ONECUT3: variants seen among roughly 807,000 people sequenced by gnomAD.
ONECUT3 encodes one cut domain family member 3.
ONECUT3 carries 11 observed loss-of-function variants against 16.8 expected under a neutral mutation model. That is an observed-to-expected ratio of 0.66 (90% CI 0.41 to 1.09). The LOEUF (loss-of-function observed/expected upper bound fraction) is 1.09. Among genes scored for constraint, ONECUT3 ranks in the 50% least tolerant of loss-of-function variants. The pLI, the probability that ONECUT3 is intolerant of heterozygous loss-of-function variation, is 0.00. For synonymous variants in ONECUT3, 344 were observed against 310.7 expected (o/e 1.11, Z -1.13); for missense variants, 637 against 629.9 (o/e 1.01, Z -0.12).
intron 1 of ONECUT3, among the ~76,000 whole-genome samples, chr19:1,773,926 C>T (rs2068080449): frequency 6.6e-6 from 1 of 152,196 alleles, no homozygotes; most frequent in African/African-American, 2.4e-5. Flanking sequence ...GCCCCATCAC[C>T]CCGAGCCTTT....
At position 1,754,587 on chromosome 19, in the gene ONECUT3, G is replaced by A; in HGVS notation, c.925G>A (p.Gly309Ser). 6.3e-6 allele frequency: 8 copies of A among 1,269,294 alleles called. No individual in the cohort carries two copies. Among genetic ancestry groups the A allele is most frequent in the African/African-American group, 1.6e-5 (1 of 64,344 alleles). 78.6% of individuals were successfully genotyped at this position (1,269,294 alleles called of 1,614,324 possible). Reference protein sequence around the residue: ...HGGGGGPGGSGGGPSAGAAAE... With the variant: ...HGGGGGPGGSSGGPSAGAAAE... The stretch of plus-strand genomic sequence containing the variant: ...GGGAGGCGGCGGCCCCGGCGGGAGC[G>A]GCGGCGGCCCCAGCGCGGGCGCAGC... Residue 309 changes from glycine (G) to serine (S), a missense_variant, in exon 1 of 2, where the codon GGC (glycine) becomes AGC (serine). This residue lies in a region of ONECUT3 where 419 missense variants were observed against 377.9 expected (regional missense o/e 1.11). Coordinates refer to ENST00000382349, the MANE Select transcript of ONECUT3 (RefSeq NM_001080488.2). This position sits in a 1 kb window ranked among gnomAD's most constrained non-coding sequence, Gnocchi z 7.4.
In ONECUT3 at chr19:1,755,690, T is replaced by C. The variant is rs2067913040; in HGVS notation, c.1192+836T>C. 6.6e-6 allele frequency among the ~76,000 whole-genome samples: 1 copy of C among 152,220 alleles called. No individual in the cohort carries two copies. The highest frequency in any genetic ancestry group is 1.5e-5 in the Non-Finnish European group (1 of 68,036). On this transcript the variant is annotated intron_variant, in intron 1 of 1. Transcript: ENST00000382349. The surrounding 1 kb of genome is among the most constrained non-coding windows in gnomAD (Gnocchi z 7.5). ...ACACTGGTATCTCTATGTTTTTCTCTTGCTCTCCGTTTTGCTCTTGTTCCT... is the reference window on the plus strand; with the variant it reads ...ACACTGGTATCTCTATGTTTTTCTCCTGCTCTCCGTTTTGCTCTTGTTCCT...
rs3051476 is a variant in ONECUT3 at position 1,780,973 on chromosome 19, T to TAAAAAAAAAAAA, written c.*5532_*5543dup. The TAAAAAAAAAAAA allele has an allele frequency of 1.4e-5, 2 of 138,734 alleles. No homozygotes were observed. Among genetic ancestry groups the TAAAAAAAAAAAA allele is most frequent in the Non-Finnish European group, 1.5e-5 (1 of 65,528 alleles). The allele number at this position is 138,734 out of a possible 1,614,324, so 8.6% of individuals were successfully genotyped here. ...ACCCTTGGGCGACAGGCTTAAAAGC[T>TAAAAAAAAAAAA]AAAAAAAAAAAAAAATCTCGTCATT... is the stretch of plus-strand genomic sequence containing the variant. On this transcript the variant is annotated 3_prime_UTR_variant, in exon 2 of 2. Coordinates refer to ENST00000382349, the MANE Select transcript of ONECUT3 (RefSeq NM_001080488.2).
chr19:1,758,801 G>A lies in ONECUT3; in HGVS notation c.1192+3947G>A, dbSNP rs2067931533. On this transcript the variant is annotated intron_variant, in intron 1 of 1. Coordinates refer to ENST00000382349, the MANE Select transcript of ONECUT3 (RefSeq NM_001080488.2). The surrounding 1 kb of genome is among the most constrained non-coding windows in gnomAD (Gnocchi z 5.9). Reference sequence around the variant, plus strand: ...GGGCGGGCTCCTCGGCGGGGGTGGGGGCGGTCGATGAATTCGAATTACCGT... The same window carrying A: ...GGGCGGGCTCCTCGGCGGGGGTGGGAGCGGTCGATGAATTCGAATTACCGT... Among the ~76,000 whole-genome samples, 1 of 152,176 alleles carries A rather than the reference G, an allele frequency of 6.6e-6. No individual in the cohort carries two copies. The highest frequency in any genetic ancestry group is 1.5e-5 in the Non-Finnish European group (1 of 68,024).
chr19:1,759,671 G>A lies in ONECUT3; in HGVS notation c.1192+4817G>A, dbSNP rs904286486. On this transcript the variant is annotated intron_variant, in intron 1 of 1. Transcript: ENST00000382349. This position sits in a 1 kb window ranked among gnomAD's most constrained non-coding sequence, Gnocchi z 4.1. ...ACCAAGGTTGGGGGCTTGGAGACCC[G>A]GGCCTTCCCTGGGCTCTGTCCCTGG... Among the ~76,000 whole-genome samples, 6 of 152,180 alleles carry A rather than the reference G, an allele frequency of 3.9e-5. No individual in the cohort carries two copies. Among genetic ancestry groups the A allele is most frequent in the African/African-American group, 1.2e-4 (5 of 41,440 alleles).
rs1173514924 is a variant in ONECUT3 at position 1,754,195 on chromosome 19, T to A, written c.533T>A (p.Leu178His). 46 of 1,127,482 alleles carry A rather than the reference T, an allele frequency of 4.1e-5. No homozygotes were observed. The highest frequency in any genetic ancestry group is 4.9e-5 in the Non-Finnish European group (45 of 911,658). 69.8% of individuals were successfully genotyped at this position (1,127,482 alleles called of 1,614,324 possible). A position where few individuals can be genotyped will look rare whatever the true frequency, so the allele number is the denominator to read the frequency against. ...CTCATGCGCGACGAGCGGGCGGCGC[T>A]CGCCTCCGTGGGCCACCTCTACGGA... is the stretch of plus-strand genomic sequence containing the variant. ...FTLMRDERAA[L>H]ASVGHLYGPY... Residue 178 changes from leucine to histidine, a missense_variant, in exon 1 of 2, where the codon CTC becomes CAC. Around this residue, in one of 3 missense-constraint regions of ONECUT3, gnomAD observed 419 missense variants for 377.9 expected, o/e 1.11. Coordinates refer to ENST00000382349, the MANE Select transcript of ONECUT3 (RefSeq NM_001080488.2). The surrounding 1 kb of genome is among the most constrained non-coding windows in gnomAD (Gnocchi z 7.4).
chr19:1,764,596 G>A lies in ONECUT3; in HGVS notation c.1192+9742G>A, dbSNP rs554450782. On this transcript the variant is annotated intron_variant, in intron 1 of 1. Coordinates refer to ENST00000382349, the MANE Select transcript of ONECUT3 (RefSeq NM_001080488.2). The surrounding 1 kb of genome is among the most constrained non-coding windows in gnomAD (Gnocchi z 5.0). ...CAGATGAGGGGCTGGGGAGGCCTCT[G>A]GGGGTCCACGCCTGGGGCATGACTC... Among the ~76,000 whole-genome samples the A allele has an allele frequency of 4.1e-4, 63 of 152,178 alleles. No homozygotes were observed. The South Asian group carries it at 9.7e-3, about 24-fold the overall frequency.
In ONECUT3 at chr19:1,754,955, C is replaced by G. The variant is rs2067908877; in HGVS notation, c.1192+101C>G. 4 of 1,264,856 alleles carry G rather than the reference C, an allele frequency of 3.2e-6. No homozygotes were observed. In the South Asian group the frequency reaches 1.0e-4, roughly 33 times the overall value. 78.4% of individuals were successfully genotyped at this position (1,264,856 alleles called of 1,614,324 possible). A position where few individuals can be genotyped will look rare whatever the true frequency, so the allele number is the denominator to read the frequency against. On this transcript the variant is annotated intron_variant, in intron 1 of 1. Transcript: ENST00000382349. This position sits in a 1 kb window ranked among gnomAD's most constrained non-coding sequence, Gnocchi z 7.4. ...CGATGCCCGGGGCCAGCGCCCCAAG[C>G]CCCGCCCGTGCGCCCCGGCAGCCCG...
At position 1,777,033 on chromosome 19, in the gene ONECUT3, A is replaced by T. The variant is rs2068115547; in HGVS notation, c.*1588A>T. ...GAACCTGAGAGCGAAAGAGAGAGAG[A>T]GAGAGAGGGAGAGAGAGGGAGAGAA... On this transcript the variant is annotated 3_prime_UTR_variant, in exon 2 of 2. Transcript: ENST00000382349. 1.7e-5 allele frequency: 1 copy of T among 58,368 alleles called. No individual in the cohort carries two copies. Among genetic ancestry groups the T allele is most frequent in the Non-Finnish European group, 4.3e-5 (1 of 23,388 alleles). The allele number at this position is 58,368 out of a possible 1,614,324, so 3.6% of individuals were successfully genotyped here.
intron 1 of ONECUT3, among the ~76,000 whole-genome samples, chr19:1,763,725 C>CTT (rs1353515219): frequency 1.4e-3 from 176 of 122,596 alleles, no homozygotes; most frequent in African/African-American, 1.8e-3. Flanking sequence ...TTTTATTTCC[C>CTT]TTTTTTGTTT....
At chr19:1,765,225 G>A (rs1307228270) in intron 1 of ONECUT3, among the ~76,000 whole-genome samples, 1 of 152,136 alleles carries the variant, frequency 6.6e-6, no homozygotes, top group Non-Finnish European at 1.5e-5. Context: ...GACCCCCCAG[G>A]AGCCTCCACA....
chr19:1,765,675 G>A (rs766726775), intron 1 of ONECUT3, among the ~76,000 whole-genome samples: 4 of 152,192 alleles, frequency 2.6e-5, no homozygotes, highest in Non-Finnish European at 5.9e-5. Flanking sequence ...CGTGACTCTC[G>A]GGACTGCGGC....
intron 1 of ONECUT3, among the ~76,000 whole-genome samples, chr19:1,761,232 T>C (rs1446708938): frequency 1.3e-5 from 2 of 152,118 alleles, no homozygotes; most frequent in East Asian, 3.9e-4. Context: ...TTTGTGTTTT[T>C]AGTAGAGACC....
At chr19:1,771,387 A>C (rs936273424) in intron 1 of ONECUT3, among the ~76,000 whole-genome samples, 1 of 152,194 alleles carries the variant, frequency 6.6e-6, no homozygotes, top group African/African-American at 2.4e-5. Flanking sequence ...GTGGGAAGTT[A>C]AGTTTTGGAG....
At position 1,764,362 on chromosome 19, in the gene ONECUT3, C is replaced by T. The variant is rs1171885544; in HGVS notation, c.1192+9508C>T. 1.3e-5 allele frequency among the ~76,000 whole-genome samples: 2 copies of T among 152,168 alleles called. No individual in the cohort carries two copies. Among genetic ancestry groups the T allele is most frequent in the Non-Finnish European group, 2.9e-5 (2 of 68,040 alleles). On this transcript the variant is annotated intron_variant, in intron 1 of 1. Coordinates refer to ENST00000382349, the MANE Select transcript of ONECUT3 (RefSeq NM_001080488.2). This position sits in a 1 kb window ranked among gnomAD's most constrained non-coding sequence, Gnocchi z 5.0. Reference sequence around the variant, plus strand: ...GTGGAAATGCGTTTCCCGGTTAAGTCTTTGAAGGCTCAGAACTAATTTGAA... The same window carrying T: ...GTGGAAATGCGTTTCCCGGTTAAGTTTTTGAAGGCTCAGAACTAATTTGAA...
At chr19:1,756,903 C>T (rs1267674564) in intron 1 of ONECUT3, among the ~76,000 whole-genome samples, 1 of 152,008 alleles carries the variant, frequency 6.6e-6, no homozygotes, top group African/African-American at 2.4e-5. Flanking sequence ...AAGGCAGGGA[C>T]AGTTTCTATA....
At chr19:1,760,245 C>T (rs1270758581) in intron 1 of ONECUT3, among the ~76,000 whole-genome samples, 1 of 152,224 alleles carries the variant, frequency 6.6e-6, no homozygotes, top group African/African-American at 2.4e-5. Flanking sequence ...CGTAACAGGA[C>T]CAGGGCGTGG....
intron 1 of ONECUT3, 28 bp from the exon 2 acceptor site, chr19:1,775,125 C>CGGG: frequency 1.9e-6 from 2 of 1,062,354 alleles, no homozygotes; most frequent in Non-Finnish European, 2.5e-6. Context: ...GTGTCCCGCT[C>CGGG]GCCCGCCCGC....
At chr19:1,771,047 C>A (rs1205784136) in intron 1 of ONECUT3, among the ~76,000 whole-genome samples, 1 of 152,192 alleles carries the variant, frequency 6.6e-6, no homozygotes, top group Non-Finnish European at 1.5e-5. Context: ...ACTAGGACTG[C>A]ATTTCCTTTC....
Sources: allele counts gnomAD v4.1 joint callset (sites outside exome capture counted in the v4.1 genomes callset), GRCh38; gene constraint gnomAD v4.1.1; regional missense constraint gnomAD v4.1.1; non-coding constraint Gnocchi (gnomAD v3.1); transcripts MANE v1.5; gene names NCBI Gene and HGNC (gene_info 2026-07-23, HGNC 2026-07-21).